NCAM2: variants seen among roughly 807,000 people sequenced by gnomAD.
NCAM2 encodes the protein neural cell adhesion molecule 2, also known as N-CAM-2.
In NCAM2, 30 loss-of-function variants were observed where a neutral mutation model predicts 98.1. That is an observed-to-expected ratio of 0.31 (90% CI 0.23 to 0.41). The LOEUF (loss-of-function observed/expected upper bound fraction) is 0.41, where lower values mean the gene tolerates loss of function less well. Among genes scored for constraint, NCAM2 ranks in the 10% least tolerant of loss-of-function variants. The pLI is 1.00. For missense variants in NCAM2, 867 were observed against 1,005.8 expected, an observed-to-expected ratio of 0.86 and a Z score of 1.87; for synonymous variants, 368 against 342.4, an observed-to-expected ratio of 1.07 and a Z score of -0.83.
intron 8 of NCAM2, among the ~76,000 whole-genome samples, chr21:21,363,755 A>G (rs1226942149): frequency 6.6e-6 from 1 of 152,172 alleles, no homozygotes; most frequent in Non-Finnish European, 1.5e-5. Context: ...TCCATACTCT[A>G]TCAATGGTTT....
chr21:21,213,088 A>C (rs932003469), intron 1 of NCAM2, among the ~76,000 whole-genome samples: 3 of 152,172 alleles, frequency 2.0e-5, no homozygotes, highest in Non-Finnish European at 4.4e-5. Flanking sequence ...CCCCCAAATG[A>C]GTCAATGTAT....
intron 12 of NCAM2, among the ~76,000 whole-genome samples, chr21:21,437,843 A>C (rs920150636): frequency 6.6e-6 from 1 of 152,088 alleles, no homozygotes; most frequent in African/African-American, 2.4e-5. Context: ...GTGTACTTAG[A>C]AGGCTTGTTT....
At chr21:21,126,236 T>TAAAAAAAAAAAAAAAAAAA (rs778070776) in intron 1 of NCAM2, among the ~76,000 whole-genome samples, 2 of 97,564 alleles carry the variant, frequency 2.0e-5, no homozygotes, top group Admixed American at 1.4e-4. Context: ...TCATGGAACA[T>TAAAAAAAAAAAAAAAAAAA]AAAAAAAAAA....
chr21:21,362,542 G>A (rs1285924793), intron 8 of NCAM2, among the ~76,000 whole-genome samples: 1 of 151,972 alleles, frequency 6.6e-6, no homozygotes, highest in African/African-American at 2.4e-5. Flanking sequence ...ACAGGCACAT[G>A]CCACCATGCC....
At chr21:21,425,227 C>T (rs377461631) in intron 11 of NCAM2, among the ~76,000 whole-genome samples, 1 of 151,074 alleles carries the variant, frequency 6.6e-6, no homozygotes, top group Non-Finnish European at 1.5e-5. Context: ...CTAACCTGCA[C>T]GTTGTGTACA....
At chr21:21,149,054 CTG>C (rs1250045911) in intron 1 of NCAM2, among the ~76,000 whole-genome samples, 4 of 152,040 alleles carry the variant, frequency 2.6e-5, no homozygotes, top group Admixed American at 2.6e-4. Flanking sequence ...TTTCTGGACT[CTG>C]TTATGTTCCA....
At chr21:21,342,289 G>C (rs944738939) in intron 8 of NCAM2, among the ~76,000 whole-genome samples, 7 of 152,274 alleles carry the variant, frequency 4.6e-5, no homozygotes, top group African/African-American at 1.4e-4. Flanking sequence ...TGATTTTGTG[G>C]ATCAGAAGTT....
At chr21:21,472,306 C>T (rs1984541737) in intron 14 of NCAM2, among the ~76,000 whole-genome samples, 1 of 151,954 alleles carries the variant, frequency 6.6e-6, no homozygotes. Context: ...AGGTTGTACA[C>T]TATCTCAATG....
chr21:21,398,330 G>A (rs753421820), intron 9 of NCAM2, among the ~76,000 whole-genome samples: 1 of 152,046 alleles, frequency 6.6e-6, no homozygotes, highest in Admixed American at 6.6e-5. Context: ...CTCAGGTGAT[G>A]GGTACACCAA....
chr21:21,073,181 A>G (rs1462742011), intron 1 of NCAM2, among the ~76,000 whole-genome samples: 2 of 152,200 alleles, frequency 1.3e-5, no homozygotes, highest in African/African-American at 4.8e-5. Flanking sequence ...ATTATATTCC[A>G]TTGTATGCAT....
At chr21:21,516,064 G>T (rs964840938) in intron 16 of NCAM2, among the ~76,000 whole-genome samples, 1 of 152,030 alleles carries the variant, frequency 6.6e-6, no homozygotes. Context: ...TCCATGTATC[G>T]AATGGAAGTA....
chr21:21,237,388 T>A (rs904394139), intron 1 of NCAM2, among the ~76,000 whole-genome samples: 8 of 152,178 alleles, frequency 5.3e-5, no homozygotes, highest in Admixed American at 2.6e-4. Flanking sequence ...CTGGGCAGGT[T>A]TAAATATTTT....
intron 1 of NCAM2, among the ~76,000 whole-genome samples, chr21:21,126,048 C>T (rs144579895): frequency 1.6e-3 from 237 of 151,616 alleles, no homozygotes; most frequent in African/African-American, 5.4e-3. Context: ...GTCTAACACG[C>T]GCATGAAAAC....
intron 1 of NCAM2, among the ~76,000 whole-genome samples, chr21:21,230,274 ATTC>A (rs986591698): frequency 8.6e-5 from 13 of 151,268 alleles, no homozygotes; most frequent in East Asian, 1.9e-4. Context: ...TCTCATCCAT[ATTC>A]TTCTTTTAAG....
At chr21:21,225,469 C>T (rs183594536) in intron 1 of NCAM2, among the ~76,000 whole-genome samples, 105 of 152,114 alleles carry the variant, frequency 6.9e-4, no homozygotes, top group African/African-American at 2.5e-3. Context: ...ATGAAATTTA[C>T]ATATACGGCA....
Position 21,430,241 on chromosome 21 carries a change from TG to T in NCAM2, c.1481-1865del, listed in dbSNP as rs2077302454. ...CAGGGTTTCACCATGTTGACCAGGC[TG>T]GTCTCAAACTCCTGACCTCAAGTAA... On this transcript the variant is annotated intron_variant, in intron 11 of 17. Coordinates refer to ENST00000400546, the MANE Select transcript of NCAM2 (RefSeq NM_004540.5). Among the ~76,000 whole-genome samples, 10 of 151,980 alleles carry T rather than the reference TG, an allele frequency of 6.6e-5. No homozygotes were observed. The South Asian group carries it at 2.1e-3, about 32-fold the overall frequency.
chr21:21,429,021 T>C (rs1218343035), intron 11 of NCAM2, among the ~76,000 whole-genome samples: 1 of 152,204 alleles, frequency 6.6e-6, no homozygotes, highest in Non-Finnish European at 1.5e-5. Context: ...TAGTAGTCAG[T>C]TGACAGTTGG....
At chr21:21,116,861 A>G (rs1826712139) in intron 1 of NCAM2, among the ~76,000 whole-genome samples, 1 of 149,442 alleles carries the variant, frequency 6.7e-6, no homozygotes, top group Non-Finnish European at 1.5e-5. Flanking sequence ...TCTCAAAAGA[A>G]AAAAAAAAAA....
At chr21:21,499,951 A>G (rs1352563764) in intron 15 of NCAM2, among the ~76,000 whole-genome samples, 1 of 152,072 alleles carries the variant, frequency 6.6e-6, no homozygotes, top group Admixed American at 6.6e-5. Flanking sequence ...ATTTATATCA[A>G]CTCATCTTTT....
Sources: gnomAD v4.1 joint callset for allele counts (sites outside exome capture counted in the v4.1 genomes callset) on GRCh38, gnomAD v4.1.1 for gene constraint, MANE v1.5 for transcripts, NCBI Gene and HGNC (gene_info 2026-07-23, HGNC 2026-07-21) for gene names.